Variants in FAM117B observed in about 807,000 individuals in gnomAD.
The protein encoded by FAM117B is protein FAM117B.
Under a neutral mutation model 52.8 loss-of-function variants are expected in FAM117B, and 22 were observed. The observed-to-expected ratio is 0.42, with a 90% CI of 0.30 to 0.59. The LOEUF is 0.59. Ranked by LOEUF, FAM117B falls within the 20% of genes least tolerant of loss-of-function variation. The probability of loss-of-function intolerance (pLI) is 0.22; values close to 1 mark genes in which losing one functional copy is unlikely to be tolerated. For missense variants in FAM117B, 678 were observed against 802.6 expected, an observed-to-expected ratio of 0.84 and a Z score of 1.88; for synonymous variants, 309 against 324.1, an observed-to-expected ratio of 0.95 and a Z score of 0.50.
At chr2:202,691,657 G>GTGTGTGTA (rs201884011) in intron 1 of FAM117B, among the ~76,000 whole-genome samples, 6,790 of 128,468 alleles carry the variant, frequency 0.053, 202 homozygotes, top group Admixed American at 0.067. Flanking sequence ...CATTGTGTGT[G>GTGTGTGTA]TGTGTGTGTG....
intron 1 of FAM117B, among the ~76,000 whole-genome samples, chr2:202,670,257 C>G (rs55736641): frequency 0.081 from 12,228 of 151,724 alleles, 1,634 homozygotes; most frequent in African/African-American, 0.28. Context: ...CTTCTGTCCT[C>G]AAGGAGCATA....
chr2:202,691,628 A>G (rs1383796939), intron 1 of FAM117B, among the ~76,000 whole-genome samples: 1 of 144,718 alleles, frequency 6.9e-6, no homozygotes, highest in African/African-American at 2.5e-5. Context: ...ATTTGATATA[A>G]TGCATATATA....
intron 1 of FAM117B, among the ~76,000 whole-genome samples, chr2:202,653,906 A>C (rs754601410): frequency 6.6e-6 from 1 of 152,030 alleles, no homozygotes; most frequent in African/African-American, 2.4e-5. Flanking sequence ...CTACTATTCA[A>C]CCTTTTCTGT....
At chr2:202,717,500 A>G (rs150393546) in intron 2 of FAM117B, among the ~76,000 whole-genome samples, 116 of 152,276 alleles carry the variant, frequency 7.6e-4, no homozygotes, top group Non-Finnish European at 1.2e-3. Context: ...TTGTAATCTA[A>G]GCTGTGTCTT....
intron 1 of FAM117B, among the ~76,000 whole-genome samples, chr2:202,668,111 AAT>A (rs1690232722): frequency 7.0e-6 from 1 of 142,696 alleles, no homozygotes; most frequent in African/African-American, 2.7e-5. Context: ...TTATATAAAA[AAT>A]ATTTTTATAA....
intron 4 of FAM117B, among the ~76,000 whole-genome samples, chr2:202,738,126 G>T (rs1281399252): frequency 6.6e-6 from 1 of 152,240 alleles, no homozygotes; most frequent in East Asian, 1.9e-4. Context: ...GTTGTTATTA[G>T]TTTTGAGAGC....
intron 4 of FAM117B, among the ~76,000 whole-genome samples, chr2:202,732,313 C>T (rs1691365114): frequency 6.6e-6 from 1 of 152,118 alleles, no homozygotes; most frequent in South Asian, 2.1e-4. Flanking sequence ...TAGGTATATA[C>T]CCAAGAGAAT....
chr2:202,635,892 G>T, intron 1 of FAM117B, 104 bp downstream of exon 1: 1 of 1,215,452 alleles, frequency 8.2e-7, no homozygotes, highest in African/African-American at 1.6e-5. Flanking sequence ...CGGAGCCCGG[G>T]TGGCTGGGGG....
chr2:202,644,976 T>G (rs1322773635), intron 1 of FAM117B, among the ~76,000 whole-genome samples: 1 of 152,212 alleles, frequency 6.6e-6, no homozygotes, highest in African/African-American at 2.4e-5. Context: ...AATTTTTCTT[T>G]TATTATTTCT....
intron 1 of FAM117B, among the ~76,000 whole-genome samples, chr2:202,640,724 C>T (rs1423699215): frequency 1.3e-5 from 2 of 151,884 alleles, no homozygotes; most frequent in Admixed American, 1.3e-4. Context: ...ATTCTCCCGC[C>T]TTAGCTTCCC....
chr2:202,653,064 C>T (rs1483321582), intron 1 of FAM117B, among the ~76,000 whole-genome samples: 4 of 152,046 alleles, frequency 2.6e-5, no homozygotes, highest in South Asian at 2.1e-4. Flanking sequence ...CAGGAGTTTT[C>T]GAGACCAGCC....
intron 2 of FAM117B, among the ~76,000 whole-genome samples, chr2:202,712,787 T>G (rs1403203950): frequency 6.6e-6 from 1 of 152,188 alleles, no homozygotes; most frequent in East Asian, 1.9e-4. Flanking sequence ...AAATGCATTT[T>G]CAGCATCAAA....
chr2:202,736,995 C>A (rs1228050518), intron 4 of FAM117B, among the ~76,000 whole-genome samples: 1 of 152,104 alleles, frequency 6.6e-6, no homozygotes, highest in Non-Finnish European at 1.5e-5. Context: ...CAATGCTAGG[C>A]TGCTGATGGG....
intron 4 of FAM117B, among the ~76,000 whole-genome samples, chr2:202,733,518 C>G (rs1238641442): frequency 6.8e-6 from 1 of 147,760 alleles, no homozygotes; most frequent in East Asian, 1.9e-4. Context: ...GACCTCCCCC[C>G]AGGAATGTAT....
chr2:202,729,125 G>T (rs1200996880), intron 4 of FAM117B, among the ~76,000 whole-genome samples: 2 of 152,158 alleles, frequency 1.3e-5, no homozygotes, highest in African/African-American at 4.8e-5. Flanking sequence ...ATCACCTGAG[G>T]TCAGGAGTTC....
At chr2:202,679,868 C>G (rs1690436399) in intron 1 of FAM117B, among the ~76,000 whole-genome samples, 3 of 152,060 alleles carry the variant, frequency 2.0e-5, no homozygotes, top group Non-Finnish European at 2.9e-5. Flanking sequence ...AATGAGAAAA[C>G]TAAAGCAGTG....
intron 4 of FAM117B, among the ~76,000 whole-genome samples, chr2:202,731,475 G>T (rs928525850): frequency 6.7e-6 from 1 of 150,026 alleles, no homozygotes; most frequent in African/African-American, 2.4e-5. Context: ...CTGTCGCCTG[G>T]ACTGGAGTGC....
intron 7 of FAM117B, among the ~76,000 whole-genome samples, chr2:202,764,302 C>T (rs1029798168): frequency 6.6e-6 from 1 of 152,058 alleles, no homozygotes; most frequent in Non-Finnish European, 1.5e-5. Context: ...TCTTGCTCTG[C>T]TGTCCAGGCT....
intron 2 of FAM117B, among the ~76,000 whole-genome samples, chr2:202,703,124 A>G (rs1472920118): frequency 6.6e-6 from 1 of 152,194 alleles, no homozygotes; most frequent in Non-Finnish European, 1.5e-5. Flanking sequence ...AACTATTTCC[A>G]AAACTTTTTC....
Sources: allele counts gnomAD v4.1 joint callset (sites outside exome capture counted in the v4.1 genomes callset), GRCh38; gene constraint gnomAD v4.1.1; transcripts MANE v1.5; gene names NCBI Gene and HGNC (gene_info 2026-07-23, HGNC 2026-07-21).